UBE3A: variants seen among roughly 807,000 people sequenced by gnomAD.
The protein encoded by UBE3A is ubiquitin-protein ligase E3A.
Under a neutral mutation model 83.4 loss-of-function variants are expected in UBE3A, and 6 were observed. The ratio of observed to expected loss-of-function variants is 0.07; its 90% CI spans 0.04 to 0.14. The LOEUF is 0.14. UBE3A is among the 10% of genes least tolerant of loss of function. The pLI is 1.00. For synonymous variants in UBE3A, 337 were observed against 355.4 expected (o/e 0.95, Z 0.58); for missense variants, 456 against 1,036.1 (o/e 0.44, Z 7.69).
chr15:25,359,293 ATAATTT>A (rs2077661926), intron 7 of UBE3A, among the ~76,000 whole-genome samples: 1 of 152,238 alleles, frequency 6.6e-6, no homozygotes, highest in African/African-American at 2.4e-5. Flanking sequence ...TATGAAGTTT[ATAATTT>A]TCTATCTCAA....
At chr15:25,367,252 T>C (rs1168308403) in intron 6 of UBE3A, among the ~76,000 whole-genome samples, 3 of 85,754 alleles carry the variant, frequency 3.5e-5, no homozygotes, top group African/African-American at 1.3e-4. Flanking sequence ...AATATTTGCA[T>C]ATTTGTAAAT....
intron 1 of UBE3A, among the ~76,000 whole-genome samples, chr15:25,430,442 G>A (rs1157136956): frequency 6.7e-6 from 1 of 148,590 alleles, no homozygotes. Context: ...TTAAGAGAGA[G>A]ATTAGCCCCA....
intron 7 of UBE3A, 95 bp from the exon 8 acceptor site, chr15:25,356,991 A>G: frequency 4.8e-6 from 5 of 1,046,952 alleles, no homozygotes; most frequent in Non-Finnish European, 7.1e-6. Flanking sequence ...TATGCATATA[A>G]AACATTTAAA....
At chr15:25,416,133 T>C (rs1007515199) in intron 1 of UBE3A, among the ~76,000 whole-genome samples, 2 of 152,168 alleles carry the variant, frequency 1.3e-5, no homozygotes, top group Non-Finnish European at 2.9e-5. Context: ...AATATATGCA[T>C]ACCTTATGAC....
intron 4 of UBE3A, among the ~76,000 whole-genome samples, chr15:25,397,385 C>A (rs896795570): frequency 5.9e-5 from 9 of 152,172 alleles, no homozygotes; most frequent in Admixed American, 2.0e-4. Flanking sequence ...TTGGTTTTTA[C>A]TACCAAATGC....
At chr15:25,430,044 T>C (rs1468422968) in intron 1 of UBE3A, among the ~76,000 whole-genome samples, 1 of 113,336 alleles carries the variant, frequency 8.8e-6, no homozygotes, top group Non-Finnish European at 1.7e-5. Flanking sequence ...TATATATATA[T>C]ATATATTTAT....
intron 4 of UBE3A, among the ~76,000 whole-genome samples, chr15:25,400,978 T>C (rs1405636192): frequency 6.6e-6 from 1 of 152,230 alleles, no homozygotes; most frequent in Non-Finnish European, 1.5e-5. Flanking sequence ...ATTCCTTCTA[T>C]ACTTAATTTT....
chr15:25,437,938 C>T (rs1160995651), intron 1 of UBE3A: 1 of 152,336 alleles, frequency 6.6e-6, no homozygotes, highest in East Asian at 1.9e-4. Context: ...CGTTCAACTT[C>T]AGAAATCCTG....
chr15:25,401,637 T>C (rs1333257373), intron 4 of UBE3A, among the ~76,000 whole-genome samples: 3 of 152,226 alleles, frequency 2.0e-5, no homozygotes, highest in Admixed American at 2.0e-4. Flanking sequence ...TGGTATCAGC[T>C]GCAATGGTTC....
In UBE3A at chr15:25,336,760, C is replaced by A. The variant is rs557713695; in HGVS notation, c.*2377G>T. 6.6e-6 allele frequency: 1 copy of A among 152,194 alleles called. No homozygotes were observed. Among genetic ancestry groups the A allele is most frequent in the East Asian group, 1.9e-4 (1 of 5,176 alleles). 9.4% of individuals were successfully genotyped at this position (152,194 alleles called of 1,614,324 possible). A position where few individuals can be genotyped will look rare whatever the true frequency, so the allele number is the denominator to read the frequency against. On this transcript the variant is annotated 3_prime_UTR_variant, in exon 13 of 13. Transcript: ENST00000648336. ...AAAAAGTTTACATTTATTTGGAAAA[C>A]CAGTTACTTTAGTTTATGGTTCCTT...
chr15:25,384,024 A>G (rs2082647424), intron 4 of UBE3A, among the ~76,000 whole-genome samples: 1 of 152,216 alleles, frequency 6.6e-6, no homozygotes. Flanking sequence ...AATATTAAGA[A>G]AAGAGTTGCA....
intron 7 of UBE3A, 52 bp downstream of exon 7, chr15:25,360,331 A>T: frequency 6.2e-7 from 1 of 1,608,386 alleles, no homozygotes; most frequent in East Asian, 2.2e-5. Context: ...ATAAACAAAT[A>T]ACTAACTCAA....
rs1179582330 is a variant in UBE3A, at chr15:25,409,085, T to C, written c.20+3A>G. 2 of 1,588,830 alleles carry C rather than the reference T, an allele frequency of 1.3e-6. No homozygotes were observed. The highest frequency in any genetic ancestry group is 1.7e-5 in the Admixed American group (1 of 57,504). On this transcript the variant is annotated splice_donor_region_variant and intron_variant, in intron 3 of 12. Coordinates refer to ENST00000648336, the MANE Select transcript of UBE3A (RefSeq NM_130839.5). ...TAAAGGCTGTAAAATAATTCAAAATTACCTTTTACAAGCTGTGGCCATTCG... is the reference window on the plus strand; with the variant it reads ...TAAAGGCTGTAAAATAATTCAAAATCACCTTTTACAAGCTGTGGCCATTCG...
chr15:25,434,605 TC>T (rs1894454003), intron 1 of UBE3A, among the ~76,000 whole-genome samples: 1 of 152,164 alleles, frequency 6.6e-6, no homozygotes, highest in Non-Finnish European at 1.5e-5. Flanking sequence ...AAGGCTGCCT[TC>T]TATTAATAGT....
chr15:25,430,027 C>CTATATATATATATATATA (rs199950859), intron 1 of UBE3A, among the ~76,000 whole-genome samples: 4 of 66,222 alleles, frequency 6.0e-5, no homozygotes, highest in South Asian at 4.3e-4. Flanking sequence ...AAAAAAAAAC[C>CTATATATATATATATATA]TATATATATA....
intron 1 of UBE3A, among the ~76,000 whole-genome samples, chr15:25,423,280 T>C (rs539203458): frequency 1.9e-4 from 29 of 152,320 alleles, no homozygotes; most frequent in African/African-American, 7.0e-4. Flanking sequence ...AAACAGATTT[T>C]ATATATACAT....
intron 11 of UBE3A, among the ~76,000 whole-genome samples, chr15:25,349,668 T>C (rs896277436): frequency 6.6e-6 from 1 of 152,234 alleles, no homozygotes; most frequent in Non-Finnish European, 1.5e-5. Flanking sequence ...CCATAGATTT[T>C]AGCAACCTCA....
chr15:25,398,609 T>C (rs2086150290), intron 4 of UBE3A, among the ~76,000 whole-genome samples: 1 of 151,632 alleles, frequency 6.6e-6, no homozygotes, highest in Middle Eastern at 3.4e-3. Flanking sequence ...AATGACAGCA[T>C]TTCCTCCTTT....
intron 4 of UBE3A, among the ~76,000 whole-genome samples, chr15:25,389,735 A>G (rs1048634030): frequency 6.6e-6 from 1 of 152,142 alleles, no homozygotes; most frequent in Non-Finnish European, 1.5e-5. Context: ...TAAAAATACA[A>G]AAATTAGCCA....
Sources: gnomAD v4.1 joint callset for allele counts (sites outside exome capture counted in the v4.1 genomes callset) on GRCh38, gnomAD v4.1.1 for gene constraint, MANE v1.5 for transcripts, NCBI Gene and HGNC (gene_info 2026-07-23, HGNC 2026-07-21) for gene names.